RAPGEF6: variants seen among roughly 807,000 people sequenced by gnomAD.
RAPGEF6 encodes Rap guanine nucleotide exchange factor 6.
RAPGEF6 carries 56 observed loss-of-function variants against 171.4 expected under a neutral mutation model. The observed-to-expected ratio is 0.33, with a 90% CI of 0.26 to 0.41. The LOEUF is 0.41. Ranked by LOEUF, RAPGEF6 falls within the 10% of genes least tolerant of loss-of-function variation. The pLI is 1.00. For missense variants in RAPGEF6, 1,674 were observed against 1,921.4 expected (o/e 0.87, Z 2.41); for synonymous variants, 692 against 650.1 (o/e 1.06, Z -0.98).
chr5:131,605,566 A>T (rs990343282), intron 1 of RAPGEF6, among the ~76,000 whole-genome samples: 5 of 152,242 alleles, frequency 3.3e-5, no homozygotes, highest in Admixed American at 2.6e-4. Context: ...CCTATTTCCT[A>T]TGAGGAATAA....
At chr5:131,462,383 C>T (rs1405215600) in intron 18 of RAPGEF6, among the ~76,000 whole-genome samples, 1 of 152,102 alleles carries the variant, frequency 6.6e-6, no homozygotes, top group Non-Finnish European at 1.5e-5. Flanking sequence ...GCCTTGCCCT[C>T]GTAAAGCTTT....
At chr5:131,590,800 A>G (rs548850226) in intron 4 of RAPGEF6, among the ~76,000 whole-genome samples, 3 of 152,344 alleles carry the variant, frequency 2.0e-5, no homozygotes, top group East Asian at 3.9e-4. Context: ...AGGGCTATTA[A>G]AAGTCCTCAT....
intron 4 of RAPGEF6, among the ~76,000 whole-genome samples, chr5:131,580,560 C>T (rs1248559384): frequency 6.6e-6 from 1 of 152,202 alleles, no homozygotes; most frequent in Non-Finnish European, 1.5e-5. Flanking sequence ...CGAGAGAGGG[C>T]CGCCAGCACG....
chr5:131,459,606 G>A (rs1253651082), intron 19 of RAPGEF6, among the ~76,000 whole-genome samples: 1 of 152,136 alleles, frequency 6.6e-6, no homozygotes. Context: ...AATAGCCAAA[G>A]TCTGGAAATT....
At chr5:131,550,544 A>G (rs1219840567) in intron 5 of RAPGEF6, among the ~76,000 whole-genome samples, 1 of 152,240 alleles carries the variant, frequency 6.6e-6, no homozygotes, top group African/African-American at 2.4e-5. Flanking sequence ...AGCCAACTCA[A>G]TGTGACTATT....
chr5:131,445,493 C>CTCTGTGTGTGTGTGTGTGTG (rs1554070849), intron 22 of RAPGEF6, among the ~76,000 whole-genome samples: 93 of 147,330 alleles, frequency 6.3e-4, no homozygotes, highest in Middle Eastern at 3.5e-3. Context: ...AACTCACTCT[C>CTCTGTGTGTGTGTGTGTGTG]TGTGTGTGTG....
chr5:131,443,842 T>A lies in RAPGEF6; in HGVS notation c.3422-1305A>T, dbSNP rs145752553. Among the ~76,000 whole-genome samples, 489 of 152,334 alleles carry A rather than the reference T, an allele frequency of 3.2e-3. 6 individuals carry two copies. Among genetic ancestry groups the A allele is most frequent in the African/African-American group, 0.012 (480 of 41,574 alleles). ...TGACTGAAAACAGATGCTTAATGGG[T>A]ATTTGTTGAATAAATAAGTGAAATT... is the stretch of plus-strand genomic sequence containing the variant. On this transcript the variant is annotated intron_variant, in intron 22 of 27. Coordinates refer to ENST00000509018, the MANE Select transcript of RAPGEF6 (RefSeq NM_016340.6).
intron 3 of RAPGEF6, among the ~76,000 whole-genome samples, chr5:131,599,021 A>C (rs1440701988): frequency 6.6e-6 from 1 of 152,174 alleles, no homozygotes; most frequent in African/African-American, 2.4e-5. Flanking sequence ...ATCAAAACAC[A>C]CAGCTTAGGC....
chr5:131,532,702 C>T (rs1374162574), intron 6 of RAPGEF6, among the ~76,000 whole-genome samples: 2 of 151,892 alleles, frequency 1.3e-5, no homozygotes, highest in Admixed American at 6.6e-5. Context: ...GAGCAAATGG[C>T]AGTTAGATGA....
intron 11 of RAPGEF6, among the ~76,000 whole-genome samples, chr5:131,503,401 TA>T (rs1554076251): frequency 1.3e-5 from 2 of 152,148 alleles, no homozygotes; most frequent in Non-Finnish European, 2.9e-5. Flanking sequence ...CACAAAAAGA[TA>T]AAAATGAATT....
At position 131,507,939 on chromosome 5, in the gene RAPGEF6, T is replaced by C. The variant is rs1037445435; in HGVS notation, c.942+132A>G. 10 of 848,274 alleles carry C rather than the reference T, an allele frequency of 1.2e-5. No homozygotes were observed. The Admixed American group carries it at 1.3e-4, about 11-fold the overall frequency. The allele number at this position is 848,274 out of a possible 1,614,324, so 52.5% of individuals were successfully genotyped here. ...TTCAGAAATTGTAACTAACTCAAAC[T>C]TGGCATTTATTTAAGAAATCTGTAT... On this transcript the variant is annotated intron_variant, in intron 9 of 27. Transcript: ENST00000509018.
intron 4 of RAPGEF6, among the ~76,000 whole-genome samples, chr5:131,564,807 T>TA (rs1244582803): frequency 3.3e-5 from 5 of 152,160 alleles, no homozygotes; most frequent in Non-Finnish European, 7.4e-5. Flanking sequence ...CAGAGAGATA[T>TA]AAAAAAGACC....
intron 4 of RAPGEF6, among the ~76,000 whole-genome samples, chr5:131,582,811 A>G (rs1763041731): frequency 6.6e-6 from 1 of 152,240 alleles, no homozygotes; most frequent in Non-Finnish European, 1.5e-5. Flanking sequence ...ACACTTCATA[A>G]AAGATATGAA....
At chr5:131,492,539 C>G in intron 14 of RAPGEF6, 43 bp downstream of exon 14, 1 of 1,583,906 alleles carries the variant, frequency 6.3e-7, no homozygotes, top group Non-Finnish European at 8.7e-7. Context: ...AGGCATAATA[C>G]TTTTAAGAAG....
intron 6 of RAPGEF6, among the ~76,000 whole-genome samples, chr5:131,544,562 G>C (rs1432474171): frequency 6.6e-6 from 1 of 152,114 alleles, no homozygotes; most frequent in Non-Finnish European, 1.5e-5. Flanking sequence ...TAGAAAAGAT[G>C]AATTACAATG....
At position 131,604,699 on chromosome 5, in the gene RAPGEF6, G is replaced by A; in HGVS notation, c.70-6C>T. On this transcript the variant is annotated splice_region_variant and splice_polypyrimidine_tract_variant and intron_variant, in intron 1 of 27. Transcript: ENST00000509018. Reference sequence around the variant, plus strand: ...GAATAAATAGTATTTAAGTCCTGTGGAACAGAAGAAAAAAATTAGATTATT... The same window carrying A: ...GAATAAATAGTATTTAAGTCCTGTGAAACAGAAGAAAAAAATTAGATTATT... The A allele has an allele frequency of 6.3e-7, 1 of 1,593,338 alleles. No individual in the cohort carries two copies. Among genetic ancestry groups the A allele is most frequent in the Non-Finnish European group, 8.5e-7 (1 of 1,173,034 alleles).
In RAPGEF6 at chr5:131,426,723, ACTTC is replaced by A; in HGVS notation, c.*539_*542del. On this transcript the variant is annotated 3_prime_UTR_variant, in exon 28 of 28. Transcript: ENST00000509018. ...CAAGCATATCACCTCTGTAAAGATG[ACTTC>A]TGTTTGGTCAGACCAGAGACAATTT... 6.2e-6 allele frequency: 1 copy of A among 162,336 alleles called. No homozygotes were observed. The highest frequency in any genetic ancestry group is 1.3e-5 in the Non-Finnish European group (1 of 75,298). 10.1% of individuals were successfully genotyped at this position (162,336 alleles called of 1,614,324 possible). A position where few individuals can be genotyped will look rare whatever the true frequency, so the allele number is the denominator to read the frequency against.
intron 5 of RAPGEF6, among the ~76,000 whole-genome samples, chr5:131,548,493 T>C (rs912586583): frequency 2.6e-5 from 4 of 152,218 alleles, no homozygotes; most frequent in Non-Finnish European, 4.4e-5. Context: ...CATTCAATAA[T>C]TACAACTTGA....
intron 6 of RAPGEF6, among the ~76,000 whole-genome samples, chr5:131,523,332 T>C (rs1335693939): frequency 7.1e-6 from 1 of 140,454 alleles, no homozygotes; most frequent in Non-Finnish European, 1.5e-5. Flanking sequence ...TCCTTAAAAA[T>C]GTAAAAATCA....
Sources: allele counts gnomAD v4.1 joint callset (sites outside exome capture counted in the v4.1 genomes callset), GRCh38; gene constraint gnomAD v4.1.1; transcripts MANE v1.5; gene names NCBI Gene and HGNC (gene_info 2026-07-23, HGNC 2026-07-21).